Variants in FRMPD2 observed in about 807,000 individuals in gnomAD.
The protein encoded by FRMPD2 is FERM and PDZ domain containing 2.
Under a neutral mutation model 140.1 loss-of-function variants are expected in FRMPD2, and 96 were observed. The observed-to-expected ratio is 0.69, with a 90% CI of 0.58 to 0.81. The LOEUF is 0.81. FRMPD2 is among the 40% of genes least tolerant of loss of function. FRMPD2 has a pLI of 0.00. For synonymous variants in FRMPD2, 449 were observed against 547.6 expected (o/e 0.82, Z 2.52); for missense variants, 1,240 against 1,447.4 (o/e 0.86, Z 2.32).
At position 48,212,064 on chromosome 10, in the gene FRMPD2, C is replaced by A; in HGVS notation, c.1501G>T (p.Ala501Ser). The A allele has an allele frequency of 6.2e-7, 1 of 1,614,128 alleles. No homozygotes were observed. The highest frequency in any genetic ancestry group is 8.5e-7 in the Non-Finnish European group (1 of 1,179,996). Residue 501 changes from alanine (A) to serine (S), a missense_variant, in exon 13 of 29, where the codon GCG becomes TCG. This residue lies in a region of FRMPD2 where 1,161 missense variants were observed against 1,055.9 expected (regional missense o/e 1.10). Transcript: ENST00000374201. The stretch of plus-strand genomic sequence containing the variant: ...GCGGTCATCCTCTCGATCAGACTCG[C>A]TGGGATGTAATCTTCAACGTGAAAG... ...PYFHVEDYIP[A>S]SLIERMTALR...
intron 20 of FRMPD2, among the ~76,000 whole-genome samples, chr10:48,182,246 TC>T (rs1367519339): frequency 6.6e-6 from 1 of 152,196 alleles, no homozygotes; most frequent in Non-Finnish European, 1.5e-5. Context: ...GATTCTGTCA[TC>T]ATTGTCCTTC....
At chr10:48,212,599 A>G (rs966523896) in intron 12 of FRMPD2, among the ~76,000 whole-genome samples, 1 of 151,934 alleles carries the variant, frequency 6.6e-6, no homozygotes, top group Non-Finnish European at 1.5e-5. Flanking sequence ...TTCATTTAGC[A>G]TTTCTGTCTA....
chr10:48,182,562 C>A (rs1157888273), intron 20 of FRMPD2, among the ~76,000 whole-genome samples: 1 of 152,226 alleles, frequency 6.6e-6, no homozygotes, highest in South Asian at 2.1e-4. Flanking sequence ...ACCCAGCCAG[C>A]ATCACCAAGG....
intron 1 of FRMPD2, among the ~76,000 whole-genome samples, chr10:48,272,462 T>C (rs901888113): frequency 3.9e-5 from 6 of 152,232 alleles, no homozygotes; most frequent in African/African-American, 7.2e-5. Flanking sequence ...TTTTACTGCA[T>C]TTTACTGTTG....
At chr10:48,261,662 A>G (rs1840592842) in intron 1 of FRMPD2, among the ~76,000 whole-genome samples, 1 of 152,190 alleles carries the variant, frequency 6.6e-6, no homozygotes, top group African/African-American at 2.4e-5. Flanking sequence ...AAAGTTCTTC[A>G]GAGAGAAGGA....
At chr10:48,268,250 A>G (rs140825283) in intron 1 of FRMPD2, among the ~76,000 whole-genome samples, 2 of 152,358 alleles carry the variant, frequency 1.3e-5, no homozygotes, top group African/African-American at 4.8e-5. Flanking sequence ...ATGAGGATAC[A>G]GAGAAACTGG....
intron 24 of FRMPD2, among the ~76,000 whole-genome samples, 199 bp from the exon 25 acceptor site, chr10:48,173,292 T>A (rs1477122896): frequency 6.6e-6 from 1 of 150,792 alleles, no homozygotes; most frequent in African/African-American, 2.4e-5. Context: ...AAGCAACACA[T>A]GTACCTCCAC....
Position 48,254,922 on chromosome 10 carries a change from A to G in FRMPD2, c.26-3231T>C, listed in dbSNP as rs76762394. Reference sequence around the variant, plus strand: ...AAATAGTCATTAGCCTTTAGCCATCACACCAAGATGCCTCTGGGCTCCTCT... The same window carrying G: ...AAATAGTCATTAGCCTTTAGCCATCGCACCAAGATGCCTCTGGGCTCCTCT... On this transcript the variant is annotated intron_variant, in intron 1 of 28. Transcript: ENST00000374201. 1.5e-3 allele frequency among the ~76,000 whole-genome samples: 232 copies of G among 152,286 alleles called. 1 individual carries two copies. The East Asian group carries it at 0.027, about 18-fold the overall frequency.
At chr10:48,254,345 T>C (rs1840448612) in intron 1 of FRMPD2, among the ~76,000 whole-genome samples, 1 of 152,224 alleles carries the variant, frequency 6.6e-6, no homozygotes, top group African/African-American at 2.4e-5. Flanking sequence ...GTATCGCTGC[T>C]AGGCAAAAAT....
rs576407581 is a variant in FRMPD2, at chr10:48,266,625, G to C, written c.25+7918C>G. Reference sequence around the variant, plus strand: ...TCAACAAATAGTCAGCAAGGGCCTAGGGAGAGCCCAGACATTACACTCATC... The same window carrying C: ...TCAACAAATAGTCAGCAAGGGCCTACGGAGAGCCCAGACATTACACTCATC... On this transcript the variant is annotated intron_variant, in intron 1 of 28. Coordinates refer to ENST00000374201, the MANE Select transcript of FRMPD2 (RefSeq NM_001018071.4). 4.6e-5 allele frequency among the ~76,000 whole-genome samples: 7 copies of C among 152,342 alleles called. 1 individual carries two copies. In the South Asian group the frequency reaches 1.5e-3, roughly 32 times the overall value.
At chr10:48,226,319 CT>C (rs746804798) in intron 10 of FRMPD2, among the ~76,000 whole-genome samples, 1 of 152,206 alleles carries the variant, frequency 6.6e-6, no homozygotes, top group African/African-American at 2.4e-5. Context: ...CTTCCCTCCC[CT>C]ATCTACAATT....
intron 5 of FRMPD2, among the ~76,000 whole-genome samples, chr10:48,241,233 A>G (rs972324462): frequency 1.3e-5 from 2 of 152,054 alleles, no homozygotes; most frequent in Non-Finnish European, 2.9e-5. Context: ...GCCGCTGTCC[A>G]CCCTGCTGTC....
intron 12 of FRMPD2, among the ~76,000 whole-genome samples, 160 bp downstream of exon 12, chr10:48,222,153 G>GATGGATGT (rs1318551695): frequency 1.3e-5 from 2 of 152,040 alleles, no homozygotes; most frequent in African/African-American, 4.8e-5. Flanking sequence ...TGGATGGATG[G>GATGGATGT]ATGGATGGAT....
In FRMPD2 at chr10:48,206,821, T is replaced by C; in HGVS notation, c.1724A>G (p.Tyr575Cys). ...LGICAKGVIV[Y>C]EVKNNSRIAM... ...AATTCTGCTGTTGTTTTTCACTTCA[T>C]AGACTATGACACCCTTGGCACAGAT... The change falls in exon 14 of 29, where the codon TAT (tyrosine) becomes TGT (cysteine). Residue 575 changes from tyrosine (Y) to cysteine (C), a missense_variant. By Grantham distance (194) the Tyr-to-Cys change is radical. Coordinates refer to ENST00000374201, the MANE Select transcript of FRMPD2 (RefSeq NM_001018071.4). The C allele has an allele frequency of 1.2e-6, 2 of 1,614,158 alleles. No individual in the cohort carries two copies. The highest frequency in any genetic ancestry group is 1.7e-6 in the Non-Finnish European group (2 of 1,179,976).
chr10:48,259,980 T>C (rs188491392), intron 1 of FRMPD2, among the ~76,000 whole-genome samples: 2 of 152,052 alleles, frequency 1.3e-5, no homozygotes, highest in South Asian at 2.1e-4. Context: ...ACCAATAAGA[T>C]GTATAGATAT....
At chr10:48,217,604 G>A (rs1429801) in intron 12 of FRMPD2, among the ~76,000 whole-genome samples, 12,629 of 152,228 alleles carry the variant, frequency 0.083, 1,624 homozygotes, top group African/African-American at 0.27. Flanking sequence ...ATTGCATATA[G>A]AAAGGATGCT....
At chr10:48,264,445 T>G (rs1840647760) in intron 1 of FRMPD2, among the ~76,000 whole-genome samples, 1 of 152,072 alleles carries the variant, frequency 6.6e-6, no homozygotes. Flanking sequence ...GACAAAAGGC[T>G]AATACACAAA....
chr10:48,213,219 GT>G (rs1339780188), intron 12 of FRMPD2, among the ~76,000 whole-genome samples: 3 of 152,202 alleles, frequency 2.0e-5, no homozygotes. Flanking sequence ...GCCCATGCTG[GT>G]TTTGAGCTCA....
At chr10:48,189,349 T>C (rs1301217157) in intron 16 of FRMPD2, among the ~76,000 whole-genome samples, 1 of 152,136 alleles carries the variant, frequency 6.6e-6, no homozygotes, top group Non-Finnish European at 1.5e-5. Context: ...AGAAAAGCAG[T>C]GATGTGAAGT....
Sources: gnomAD v4.1 joint callset for allele counts (sites outside exome capture counted in the v4.1 genomes callset) on GRCh38, gnomAD v4.1.1 for gene constraint, gnomAD v4.1.1 regional missense constraint, MANE v1.5 for transcripts, NCBI Gene and HGNC (gene_info 2026-07-23, HGNC 2026-07-21) for gene names.